LASP1: variants seen among roughly 807,000 people sequenced by gnomAD.
LASP1 encodes LIM and SH3 protein 1.
LASP1 carries 10 observed loss-of-function variants against 38.6 expected under a neutral mutation model. That is an observed-to-expected ratio of 0.26 (90% CI 0.16 to 0.44). The LOEUF is 0.44. Among genes scored for constraint, LASP1 ranks in the 20% least tolerant of loss-of-function variants. LASP1 has a pLI of 1.00. For missense variants in LASP1, 243 were observed against 375.7 expected, an observed-to-expected ratio of 0.65 and a Z score of 2.92; for synonymous variants, 132 against 140.8, an observed-to-expected ratio of 0.94 and a Z score of 0.44.
intron 3 of LASP1, among the ~76,000 whole-genome samples, chr17:38,895,230 G>A (rs916398931): frequency 4.0e-5 from 6 of 150,252 alleles, no homozygotes; most frequent in Non-Finnish European, 7.4e-5. Context: ...GGCTGGTCTC[G>A]AACTCCTGGG....
In LASP1 at chr17:38,918,812, C is replaced by G; in HGVS notation, c.*34C>G. ...CGCCCCCATCTGTCTTCAGCACATT[C>G]CACGGCATCGCATCCGTCCTGGGCG... On this transcript the variant is annotated 3_prime_UTR_variant, in exon 7 of 7. Transcript: ENST00000318008. This position sits in a 1 kb window ranked among gnomAD's most constrained non-coding sequence, Gnocchi z 4.4. 1 of 1,608,338 alleles carries G rather than the reference C, an allele frequency of 6.2e-7. No homozygotes were observed. The highest frequency in any genetic ancestry group is 8.5e-7 in the Non-Finnish European group (1 of 1,177,190).
chr17:38,902,850 A>G (rs1405415685), intron 4 of LASP1, among the ~76,000 whole-genome samples: 1 of 152,080 alleles, frequency 6.6e-6, no homozygotes, highest in East Asian at 1.9e-4. Context: ...CTATAGGCAC[A>G]TGCCACCACG....
At chr17:38,883,739 CTTTTTTTT>C (rs60761350) in intron 2 of LASP1, among the ~76,000 whole-genome samples, 13 of 128,346 alleles carry the variant, frequency 1.0e-4, no homozygotes, top group African/African-American at 3.3e-4. Context: ...CAGGGGCAGG[CTTTTTTTT>C]TTTTTTTTTT....
chr17:38,916,030 C>T (rs929306515), intron 6 of LASP1: 1 of 152,262 alleles, frequency 6.6e-6, no homozygotes, highest in African/African-American at 2.4e-5. Flanking sequence ...AAGAGTTAGT[C>T]TGAAGTATAA....
Position 38,898,448 on chromosome 17 carries a change from A to G in LASP1, c.286A>G (p.Lys96Glu). ...GGAGGAGTTTGAGAAGAACAAGGGCAAAGGTTTCAGCGTAGTGGCAGACAC... is the reference window on the plus strand; with the variant it reads ...GGAGGAGTTTGAGAAGAACAAGGGCGAAGGTTTCAGCGTAGTGGCAGACAC... ...YKEEFEKNKG[K>E]GFSVVADTPE... is the part of the protein sequence containing the mutation. The change falls in exon 4 of 7, where the codon AAA becomes GAA. Residue 96 changes from lysine (K) to glutamate (E), a missense_variant. Lys to Glu is a moderately conservative substitution (Grantham distance 56). Coordinates refer to ENST00000318008, the MANE Select transcript of LASP1 (RefSeq NM_006148.4). 1.3e-6 allele frequency: 2 copies of G among 1,551,556 alleles called. No individual in the cohort carries two copies. Among genetic ancestry groups the G allele is most frequent in the African/African-American group, 1.4e-5 (1 of 73,154 alleles).
rs754143629 is a variant in LASP1, at chr17:38,870,266, C to T, written c.69+8C>T. 4 of 1,613,348 alleles carry T rather than the reference C, an allele frequency of 2.5e-6. No individual in the cohort carries two copies. The Admixed American group carries it at 5.0e-5, about 20-fold the overall frequency. The stretch of plus-strand genomic sequence containing the variant: ...GTGAACTGTCTGGATAAGGTGAGCC[C>T]GGGACCGGGAGACGCGTCTTTGCAA... On this transcript the variant is annotated splice_region_variant and intron_variant, in intron 1 of 6. Transcript: ENST00000318008.
intron 4 of LASP1, among the ~76,000 whole-genome samples, chr17:38,907,553 G>T (rs79106484): frequency 0.057 from 8,627 of 152,156 alleles, 833 homozygotes; most frequent in African/African-American, 0.2. Flanking sequence ...CTGGAAGATG[G>T]GAATGAAAGT....
intron 4 of LASP1, among the ~76,000 whole-genome samples, chr17:38,912,804 TTC>T (rs1914993593): frequency 6.6e-6 from 1 of 152,116 alleles, no homozygotes; most frequent in African/African-American, 2.4e-5. Flanking sequence ...GAACGACCAT[TTC>T]TCTCTAACTC....
Position 38,920,392 on chromosome 17 carries a change from A to C in LASP1, c.*1614A>C, listed in dbSNP as rs1375794836. On this transcript the variant is annotated 3_prime_UTR_variant, in exon 7 of 7. Transcript: ENST00000318008. ...GCACAGCCTCGGGGATGGGGAGGGA[A>C]AGACGGTGCTATATCCAGTTCCTGC... The C allele has an allele frequency of 1.2e-5, 4 of 341,636 alleles. No individual in the cohort carries two copies. The highest frequency in any genetic ancestry group is 2.3e-5 in the Non-Finnish European group (4 of 176,916). The allele number at this position is 341,636 out of a possible 1,614,324, so 21.2% of individuals were successfully genotyped here.
At chr17:38,881,332 A>C (rs904086144) in intron 2 of LASP1, among the ~76,000 whole-genome samples, 4 of 151,018 alleles carry the variant, frequency 2.6e-5, no homozygotes, top group Admixed American at 6.6e-5. Context: ...GCTGGAGTGC[A>C]GTGGAGTGAT....
intron 4 of LASP1, among the ~76,000 whole-genome samples, chr17:38,906,359 G>A (rs1008043953): frequency 1.1e-4 from 16 of 151,476 alleles, no homozygotes; most frequent in African/African-American, 2.9e-4. Flanking sequence ...AAACCCCCGC[G>A]TCCACTAAAA....
intron 4 of LASP1, among the ~76,000 whole-genome samples, chr17:38,902,196 G>A (rs768657581): frequency 1.3e-5 from 2 of 151,978 alleles, no homozygotes; most frequent in Non-Finnish European, 2.9e-5. Context: ...GAGTAGCTGG[G>A]ACCACAGGTG....
chr17:38,888,828 A>G (rs541249205), intron 2 of LASP1, among the ~76,000 whole-genome samples: 9 of 152,320 alleles, frequency 5.9e-5, no homozygotes, highest in African/African-American at 2.2e-4. Flanking sequence ...AGGTCTCTGC[A>G]GGCTCTGAGG....
intron 3 of LASP1, among the ~76,000 whole-genome samples, chr17:38,896,568 C>A (rs1395593221): frequency 1.3e-5 from 2 of 152,368 alleles, no homozygotes; most frequent in East Asian, 3.9e-4. Context: ...AGGGGCCTGA[C>A]CCTTGCAAAG....
At chr17:38,895,178 A>AT (rs113759218) in intron 3 of LASP1, among the ~76,000 whole-genome samples, 2,465 of 145,658 alleles carry the variant, frequency 0.017, 40 homozygotes, top group African/African-American at 0.045. Context: ...ATTTTTATTA[A>AT]TTTTTTTTTT....
chr17:38,904,926 C>T (rs963108829), intron 4 of LASP1, among the ~76,000 whole-genome samples: 8 of 152,272 alleles, frequency 5.3e-5, no homozygotes, highest in African/African-American at 1.9e-4. Context: ...ATGTATTTTT[C>T]ATTATAATTT....
At chr17:38,870,726 G>A (rs1461919996) in intron 1 of LASP1, among the ~76,000 whole-genome samples, 1 of 152,192 alleles carries the variant, frequency 6.6e-6, no homozygotes, top group South Asian at 2.1e-4. Flanking sequence ...CGTCCGCTCC[G>A]GCGGGGGTGG....
chr17:38,919,041 C>A lies in LASP1; in HGVS notation c.*263C>A. The A allele has an allele frequency of 9.3e-6, 1 of 107,526 alleles. No homozygotes were observed. The highest frequency in any genetic ancestry group is 1.6e-5 in the Non-Finnish European group (1 of 63,110). 6.7% of individuals were successfully genotyped at this position (107,526 alleles called of 1,614,324 possible). ...ATGGGCCTCTCTGGGGGAGGCAGGGCTGGAATGGGAGACCTGTTGGCCTGT... is the reference window on the plus strand; with the variant it reads ...ATGGGCCTCTCTGGGGGAGGCAGGGATGGAATGGGAGACCTGTTGGCCTGT... On this transcript the variant is annotated 3_prime_UTR_variant, in exon 7 of 7. Transcript: ENST00000318008.
At chr17:38,874,893 T>C (rs1266058350) in intron 1 of LASP1, among the ~76,000 whole-genome samples, 1 of 152,114 alleles carries the variant, frequency 6.6e-6, no homozygotes, top group Non-Finnish European at 1.5e-5. Context: ...GTTGGCCCTG[T>C]GCCCCCTGCC....
Sources: allele counts gnomAD v4.1 joint callset (sites outside exome capture counted in the v4.1 genomes callset), GRCh38; gene constraint gnomAD v4.1.1; non-coding constraint Gnocchi (gnomAD v3.1); transcripts MANE v1.5; gene names NCBI Gene and HGNC (gene_info 2026-07-23, HGNC 2026-07-21).